SAMD11: variants seen among roughly 807,000 people sequenced by gnomAD.
SAMD11 encodes the protein sterile alpha motif domain containing 11.
SAMD11 carries 77 observed loss-of-function variants against 64.4 expected under a neutral mutation model. The observed-to-expected ratio is 1.20, with a 90% confidence interval of 0.99 to 1.44. The LOEUF (loss-of-function observed/expected upper bound fraction) is 1.44, where lower values mean the gene tolerates loss of function less well. Ranked by LOEUF, SAMD11 falls within the 40% of genes most tolerant of loss-of-function variation. The probability of loss-of-function intolerance (pLI) is 0.00; values close to 1 mark genes in which losing one functional copy is unlikely to be tolerated. For missense variants in SAMD11, 1,402 were observed against 943.3 expected (o/e 1.49, Z -6.37); for synonymous variants, 658 against 421.9 (o/e 1.56, Z -6.86).
intron 4 of SAMD11, 67 bp from the exon 5 acceptor site, chr1:935,705 G>C (rs1483787367): frequency 5.0e-6 from 8 of 1,603,990 alleles, no homozygotes; most frequent in Non-Finnish European, 6.8e-6. Flanking sequence ...GGCACTCCCT[G>C]TGCCCAGGCT....
At chr1:931,767 G>A (rs980317528) in intron 4 of SAMD11, among the ~76,000 whole-genome samples, 5 of 152,374 alleles carry the variant, frequency 3.3e-5, no homozygotes, top group Admixed American at 6.5e-5. Flanking sequence ...AAGCAGGACG[G>A]TAGGGGGTGT....
chr1:928,217 C>A (rs1484977923), intron 2 of SAMD11, among the ~76,000 whole-genome samples: 1 of 119,586 alleles, frequency 8.4e-6, no homozygotes, highest in Non-Finnish European at 2.0e-5. Flanking sequence ...CACGGTGAAA[C>A]CCGTCTCTAC....
Position 944,246 on chromosome 1 carries a change from T to G in SAMD11, c.*93T>G. On this transcript the variant is annotated 3_prime_UTR_variant, in exon 14 of 14. Coordinates refer to ENST00000616016, the MANE Select transcript of SAMD11 (RefSeq NM_001385641.1). The stretch of plus-strand genomic sequence containing the variant: ...CTCCCACCGCTTTATTTCTTTCGGT[T>G]TCGGATGCAAAACAAAAAATTTTAA... 1 of 1,454,082 alleles carries G rather than the reference T, an allele frequency of 6.9e-7. No homozygotes were observed. The highest frequency in any genetic ancestry group is 1.4e-5 in the African/African-American group (1 of 69,738). 90.1% of individuals were successfully genotyped at this position (1,454,082 alleles called of 1,614,324 possible).
chr1:937,808 C>A (rs1247558549), intron 5 of SAMD11, among the ~76,000 whole-genome samples: 1 of 152,242 alleles, frequency 6.6e-6, no homozygotes, highest in Non-Finnish European at 1.5e-5. Flanking sequence ...GCAGCCGGGC[C>A]AGGATCAATA....
rs1641408894 is a variant in SAMD11 at position 935,914 on chromosome 1, C to T, written c.967+18C>T. The T allele has an allele frequency of 1.9e-6, 3 of 1,610,918 alleles. No individual in the cohort carries two copies. The highest frequency in any genetic ancestry group is 1.3e-5 in the African/African-American group (1 of 74,888). On this transcript the variant is annotated intron_variant, in intron 5 of 13. Coordinates refer to ENST00000616016, the MANE Select transcript of SAMD11 (RefSeq NM_001385641.1). ...ACCCGCCGGTGAGGAGCACAGGGGG[C>T]CTGAGGGCGGGGTCGGGGCTGTGGG... is the stretch of plus-strand genomic sequence containing the variant.
chr1:925,285 G>T, intron 1 of SAMD11: 1 of 152,416 alleles, frequency 6.6e-6, no homozygotes, highest in South Asian at 1.8e-4. Flanking sequence ...CGGAGCCCCG[G>T]GTTCGGGGGA....
At position 927,630 on chromosome 1, in the gene SAMD11, C is replaced by T. The variant is rs561180027; in HGVS notation, c.609+1617C>T. Among the ~76,000 whole-genome samples the T allele has an allele frequency of 2.5e-4, 38 of 152,352 alleles. No individual in the cohort carries two copies. In the South Asian group the frequency reaches 3.9e-3, roughly 16 times the overall value. On this transcript the variant is annotated intron_variant, in intron 2 of 13. Transcript: ENST00000616016. The stretch of plus-strand genomic sequence containing the variant: ...TCTCCCCCAAGCCCCATGCCAAATC[C>T]GCAGGCATGTGCACCTCATGGTCAC...
intron 8 of SAMD11, 130 bp from the exon 9 acceptor site, chr1:942,006 G>C (rs1214289203): frequency 3.9e-5 from 16 of 405,438 alleles, no homozygotes; most frequent in Non-Finnish European, 7.0e-5. Flanking sequence ...CGCGCGACCT[G>C]GGGCCGTAAC....
rs568715555 is a variant in SAMD11 at position 939,548 on chromosome 1, C to T, written c.1195+136C>T. Reference sequence around the variant, plus strand: ...TCCTGTTGCTGAGGCCCTGCTGACACCAAGGCCAGGCTGGATGCAGGTCCC... The same window carrying T: ...TCCTGTTGCTGAGGCCCTGCTGACATCAAGGCCAGGCTGGATGCAGGTCCC... On this transcript the variant is annotated intron_variant, in intron 7 of 13. Coordinates refer to ENST00000616016, the MANE Select transcript of SAMD11 (RefSeq NM_001385641.1). The T allele has an allele frequency of 7.2e-6, 10 of 1,380,898 alleles. No individual in the cohort carries two copies. The South Asian group carries it at 1.1e-4, about 15-fold the overall frequency. 85.5% of individuals were successfully genotyped at this position (1,380,898 alleles called of 1,614,324 possible).
intron 11 of SAMD11, 73 bp from the exon 12 acceptor site, chr1:943,180 G>T: frequency 6.2e-7 from 1 of 1,604,034 alleles, no homozygotes; most frequent in Non-Finnish European, 8.5e-7. Context: ...AGCAATTGGG[G>T]CACACGACGG....
Position 944,179 on chromosome 1 carries a change from A to G in SAMD11, c.*26A>G, listed in dbSNP as rs1285817730. On this transcript the variant is annotated 3_prime_UTR_variant, in exon 14 of 14. Coordinates refer to ENST00000616016, the MANE Select transcript of SAMD11 (RefSeq NM_001385641.1). Reference sequence around the variant, plus strand: ...GGTTGCCGGGGGTAGGGGTGGGGCCACACAAATCTCCAGGAGCCACCACTC... The same window carrying G: ...GGTTGCCGGGGGTAGGGGTGGGGCCGCACAAATCTCCAGGAGCCACCACTC... The G allele has an allele frequency of 1.3e-6, 2 of 1,516,996 alleles. No individual in the cohort carries two copies. The highest frequency in any genetic ancestry group is 1.8e-6 in the Non-Finnish European group (2 of 1,132,718). The allele number at this position is 1,516,996 out of a possible 1,614,324, so 94.0% of individuals were successfully genotyped here.
chr1:926,102 C>T, intron 2 of SAMD11, 89 bp downstream of exon 2: 2 of 1,256,302 alleles, frequency 1.6e-6, no homozygotes, highest in Non-Finnish European at 2.3e-6. Flanking sequence ...GATCGAGAGT[C>T]CTAACCTCAC....
rs1359901352 is a variant in SAMD11 at position 941,332 on chromosome 1, C to G, written c.1358+26C>G. ...GTACTGGGGTGGCTGCCGTTCTCTG[C>G]TTGTTTCTGGGGTGCCGCCCGCACC... On this transcript the variant is annotated intron_variant, in intron 8 of 13. Coordinates refer to ENST00000616016, the MANE Select transcript of SAMD11 (RefSeq NM_001385641.1). 10 of 1,521,310 alleles carry G rather than the reference C, an allele frequency of 6.6e-6. No homozygotes were observed. In the East Asian group the frequency reaches 1.6e-4, roughly 25 times the overall value. The allele number at this position is 1,521,310 out of a possible 1,614,324, so 94.2% of individuals were successfully genotyped here.
chr1:928,739 G>C (rs1033791299), intron 2 of SAMD11, among the ~76,000 whole-genome samples: 1 of 152,276 alleles, frequency 6.6e-6, no homozygotes, highest in African/African-American at 2.4e-5. Flanking sequence ...ACCCAGCGCA[G>C]GCCCAGTGGC....
At chr1:941,719 A>ACGAGG (rs1384971536) in intron 8 of SAMD11, among the ~76,000 whole-genome samples, 35 of 152,184 alleles carry the variant, frequency 2.3e-4, no homozygotes, top group Admixed American at 7.8e-4. Flanking sequence ...GGTCCAGGAC[A>ACGAGG]CGAGGCGGGG....
chr1:944,388 C>A lies in SAMD11; in HGVS notation c.*235C>A. The A allele has an allele frequency of 1.5e-6, 2 of 1,307,116 alleles. No individual in the cohort carries two copies. The highest frequency in any genetic ancestry group is 2.8e-4 in the Middle Eastern group (1 of 3,602). The allele number at this position is 1,307,116 out of a possible 1,614,324, so 81.0% of individuals were successfully genotyped here. ...CGGAGGGCAGAGGTGGTGGAAGGGG[C>A]CAGGGGCCTGCAGGCCTCCCCCTGG... On this transcript the variant is annotated 3_prime_UTR_variant, in exon 14 of 14. Transcript: ENST00000616016.
chr1:939,075 C>A lies in SAMD11; in HGVS notation c.1003C>A (p.Arg335Ser). The A allele has an allele frequency of 6.2e-7, 1 of 1,606,008 alleles. No homozygotes were observed. Among genetic ancestry groups the A allele is most frequent in the Non-Finnish European group, 8.5e-7 (1 of 1,176,668 alleles). The change falls in exon 6 of 14, where the codon CGT becomes AGT. Residue 335 changes from arginine to serine, a missense_variant. Transcript: ENST00000616016. ...GGGCAAGAGGCTGGGCCGCTCCCCC[C>A]GTATCAGCAGCGACTGCTTTTCAGA... ...LLGKRLGRSP[R>S]ISSDCFSEKR...
chr1:931,170 T>TGCTGTCC, intron 4 of SAMD11, 81 bp downstream of exon 4: 2 of 1,155,668 alleles, frequency 1.7e-6, no homozygotes, highest in Non-Finnish European at 2.5e-6. Flanking sequence ...CCCTGCTGTC[T>TGCTGTCC]GCTGTCCGCT....
At chr1:928,253 G>A (rs544004738) in intron 2 of SAMD11, among the ~76,000 whole-genome samples, 218 of 152,328 alleles carry the variant, frequency 1.4e-3, no homozygotes, top group Admixed American at 2.4e-3. Context: ...TTAGCCGGGC[G>A]TGGTGGCGGG....
Sources: gnomAD v4.1 joint callset for allele counts (sites outside exome capture counted in the v4.1 genomes callset) on GRCh38, gnomAD v4.1.1 for gene constraint, MANE v1.5 for transcripts, NCBI Gene and HGNC (gene_info 2026-07-23, HGNC 2026-07-21) for gene names.